Variants in USP13 observed in about 807,000 individuals in gnomAD.
USP13 encodes ubiquitin carboxyl-terminal hydrolase 13.
Under a neutral mutation model 107.8 loss-of-function variants are expected in USP13, and 68 were observed. The ratio of observed to expected loss-of-function variants is 0.63; its 90% CI spans 0.52 to 0.77. The LOEUF is 0.77. USP13 is among the 30% of genes least tolerant of loss of function. The pLI is 0.00. For missense variants in USP13, 945 were observed against 1,093.3 expected (o/e 0.86, Z 1.91); for synonymous variants, 377 against 389.5 (o/e 0.97, Z 0.38).
intron 13 of USP13, among the ~76,000 whole-genome samples, chr3:179,746,763 A>G (rs1274719143): frequency 6.6e-6 from 1 of 151,074 alleles, no homozygotes; most frequent in Non-Finnish European, 1.5e-5. Flanking sequence ...ACAGGGTTTC[A>G]CTATTTAGCC....
chr3:179,757,761 G>A (rs908731574), intron 16 of USP13, among the ~76,000 whole-genome samples: 2 of 152,254 alleles, frequency 1.3e-5, no homozygotes, highest in South Asian at 2.1e-4. Flanking sequence ...TACACATTGC[G>A]AATGATTGAT....
At chr3:179,776,390 T>C (rs893926582) in intron 19 of USP13, among the ~76,000 whole-genome samples, 1 of 152,192 alleles carries the variant, frequency 6.6e-6, no homozygotes, top group African/African-American at 2.4e-5. Flanking sequence ...CCCACCTCTT[T>C]TACCTTCCAA....
At chr3:179,681,798 C>G in intron 1 of USP13, 80 bp from the exon 2 acceptor site, 290 of 1,489,600 alleles carry the variant, frequency 1.9e-4, no homozygotes, top group Non-Finnish European at 2.4e-4. Flanking sequence ...CAGCGTTTGC[C>G]TTCCTTCCCT....
At chr3:179,779,807 A>G (rs1715683153) in intron 19 of USP13, among the ~76,000 whole-genome samples, 1 of 151,984 alleles carries the variant, frequency 6.6e-6, no homozygotes, top group Non-Finnish European at 1.5e-5. Context: ...GGGGAAAGGG[A>G]GGAAGCAAGG....
Position 179,653,744 on chromosome 3 carries a change from A to T in USP13, c.168+351A>T. The T allele has an allele frequency of 2.3e-5, 5 of 214,840 alleles. No individual in the cohort carries two copies. The highest frequency in any genetic ancestry group is 1.2e-4 in the East Asian group (1 of 8,166). 13.3% of individuals were successfully genotyped at this position (214,840 alleles called of 1,614,324 possible). ...TTGCGTCCTCCGCGGGGCAGAGCGC[A>T]GGGCGGGTAGGTGGACGGGATGATC... On this transcript the variant is annotated intron_variant, in intron 1 of 20. Coordinates refer to ENST00000263966, the MANE Select transcript of USP13 (RefSeq NM_003940.3). The surrounding 1 kb of genome is among the most constrained non-coding windows in gnomAD (Gnocchi z 4.0).
intron 19 of USP13, among the ~76,000 whole-genome samples, chr3:179,778,712 G>A (rs1391001215): frequency 1.3e-5 from 2 of 151,946 alleles, no homozygotes; most frequent in East Asian, 3.9e-4. Context: ...GTTGCAGTGA[G>A]CCGAGATCAC....
At chr3:179,671,051 G>A (rs926354066) in intron 1 of USP13, among the ~76,000 whole-genome samples, 10 of 151,958 alleles carry the variant, frequency 6.6e-5, no homozygotes, top group Non-Finnish European at 1.0e-4. Flanking sequence ...TCTGGAGTTC[G>A]AGACCAGTCT....
chr3:179,685,745 C>T (rs1363222138), intron 2 of USP13, among the ~76,000 whole-genome samples: 1 of 152,008 alleles, frequency 6.6e-6, no homozygotes. Context: ...GTTAGCTCTG[C>T]CTCTGGAATT....
At chr3:179,712,658 T>C (rs77972608) in intron 6 of USP13, among the ~76,000 whole-genome samples, 6,966 of 152,268 alleles carry the variant, frequency 0.046, 209 homozygotes, top group Non-Finnish European at 0.068. Flanking sequence ...CAATTTTTTT[T>C]CTATTCTGAT....
rs977944725 is a variant in USP13, at chr3:179,707,167, A to AT, written c.620+97dup. The stretch of plus-strand genomic sequence containing the variant: ...ACTTCTTTTTTGAATAGGAAGTTAT[A>AT]TTTTTTCTTACCAGATGCCTTTTAT... On this transcript the variant is annotated intron_variant, in intron 5 of 20. Coordinates refer to ENST00000263966, the MANE Select transcript of USP13 (RefSeq NM_003940.3). 1.0e-4 allele frequency: 146 copies of AT among 1,446,384 alleles called. 1 individual carries two copies. The Admixed American group carries it at 1.5e-3, about 15-fold the overall frequency. The allele number at this position is 1,446,384 out of a possible 1,614,324, so 89.6% of individuals were successfully genotyped here. A position where few individuals can be genotyped will look rare whatever the true frequency, so the allele number is the denominator to read the frequency against.
rs771137725 is a variant in USP13, at chr3:179,764,003, T to C, written c.2094T>C (p.Asp698=). The change falls in exon 18 of 21, where the codon GAT becomes GAC. Residue 698 remains aspartate (D), a splice_region_variant and synonymous_variant. Transcript: ENST00000263966. The part of the protein sequence containing the change: ...NWIIVHMEEP[D]FAEPLTMPGY... ...CTTGGGTGTGGTTATTTTTCTCAGA[T>C]TTTGCTGAGCCGCTGACCATGCCTG... 11 of 1,598,552 alleles carry C rather than the reference T, an allele frequency of 6.9e-6. No individual in the cohort carries two copies. Among genetic ancestry groups the C allele is most frequent in the South Asian group, 1.1e-5 (1 of 87,496 alleles).
chr3:179,738,984 G>A (rs990719185), intron 10 of USP13, among the ~76,000 whole-genome samples: 2 of 152,128 alleles, frequency 1.3e-5, no homozygotes, highest in African/African-American at 2.4e-5. Flanking sequence ...GTGCTGGTGG[G>A]CTCCCTCTGG....
chr3:179,781,754 C>A lies in USP13; in HGVS notation c.2429C>A (p.Ala810Glu), dbSNP rs750805572. Residue 810 changes from alanine (A) to glutamate (E), a missense_variant, in exon 20 of 21, where the codon GCA becomes GAA. Ala to Glu is a moderately radical substitution (Grantham distance 107). Coordinates refer to ENST00000263966, the MANE Select transcript of USP13 (RefSeq NM_003940.3). ...TCTTTCACAGCATATGAGCTATTTG[C>A]ATTCATCAGTCACATGGGAACATCC... The part of the protein sequence containing the change: ...KDGSGTYELF[A>E]FISHMGTSTM... 6.2e-7 allele frequency: 1 copy of A among 1,613,752 alleles called. No homozygotes were observed. The highest frequency in any genetic ancestry group is 8.5e-7 in the Non-Finnish European group (1 of 1,179,878).
chr3:179,733,680 A>G (rs1413854537), intron 10 of USP13, among the ~76,000 whole-genome samples: 2 of 152,174 alleles, frequency 1.3e-5, no homozygotes, highest in African/African-American at 4.8e-5. Flanking sequence ...AGAGGAATGT[A>G]TGGTGTGGGG....
intron 10 of USP13, among the ~76,000 whole-genome samples, chr3:179,732,841 C>A (rs558422850): frequency 4.1e-4 from 63 of 152,158 alleles, no homozygotes; most frequent in Non-Finnish European, 5.7e-4. Context: ...CCACTGGATT[C>A]GGTGGCTGTA....
intron 2 of USP13, among the ~76,000 whole-genome samples, chr3:179,688,764 A>AG (rs1711987852): frequency 6.6e-6 from 1 of 152,214 alleles, no homozygotes; most frequent in African/African-American, 2.4e-5. Context: ...ACAATTCTGT[A>AG]GAGAGATTTC....
chr3:179,756,409 CAAAA>C (rs922916134), intron 15 of USP13, among the ~76,000 whole-genome samples: 30 of 115,164 alleles, frequency 2.6e-4, no homozygotes, highest in East Asian at 1.1e-3. Flanking sequence ...GACCCTGTCT[CAAAA>C]AAACAAACAA....
At chr3:179,730,777 T>C (rs1299742436) in intron 10 of USP13, 68 bp downstream of exon 10, 4 of 1,462,990 alleles carry the variant, frequency 2.7e-6, no homozygotes, top group Non-Finnish European at 3.8e-6. Context: ...GGGTTTCCTA[T>C]GATTTGGCAC....
intron 4 of USP13, among the ~76,000 whole-genome samples, chr3:179,702,344 C>T (rs1470202163): frequency 6.6e-6 from 1 of 152,192 alleles, no homozygotes; most frequent in African/African-American, 2.4e-5. Context: ...TTTCCTCTTT[C>T]CATTCTGTGC....
Sources: allele counts gnomAD v4.1 joint callset (sites outside exome capture counted in the v4.1 genomes callset), GRCh38; gene constraint gnomAD v4.1.1; non-coding constraint Gnocchi (gnomAD v3.1); transcripts MANE v1.5; gene names NCBI Gene and HGNC (gene_info 2026-07-23, HGNC 2026-07-21).